The following ZDHHC2 variants were observed in gnomAD, a reference collection of about 807,000 sequenced individuals.
ZDHHC2 encodes the protein zDHHC palmitoyltransferase 2.
ZDHHC2 carries 51 observed loss-of-function variants against 55.6 expected under a neutral mutation model. That is an observed-to-expected ratio of 0.92 (90% CI 0.73 to 1.16). The LOEUF is 1.16. Among genes scored for constraint, ZDHHC2 ranks in the 50% most tolerant of loss-of-function variants. The pLI is 0.00. For missense variants in ZDHHC2, 491 were observed against 442.4 expected, an observed-to-expected ratio of 1.11 and a Z score of -0.99; for synonymous variants, 199 against 152.9, an observed-to-expected ratio of 1.30 and a Z score of -2.22.
chr8:17,192,562 A>G (rs779633625), intron 3 of ZDHHC2, among the ~76,000 whole-genome samples: 2 of 152,082 alleles, frequency 1.3e-5, no homozygotes, highest in African/African-American at 2.4e-5. Flanking sequence ...ACTTTCTCCC[A>G]TTCTGTGGGT....
chr8:17,190,375 T>C (rs1805955994), intron 3 of ZDHHC2, among the ~76,000 whole-genome samples: 3 of 152,214 alleles, frequency 2.0e-5, no homozygotes, highest in Admixed American at 1.3e-4. Flanking sequence ...AGACCACTGT[T>C]AGGAAGAAAG....
chr8:17,221,122 A>G lies in ZDHHC2; in HGVS notation c.*901A>G, dbSNP rs1005697560. The G allele has an allele frequency of 1.3e-5, 2 of 152,522 alleles. No homozygotes were observed. Among genetic ancestry groups the G allele is most frequent in the South Asian group, 2.1e-4 (1 of 4,826 alleles). The allele number at this position is 152,522 out of a possible 1,614,324, so 9.4% of individuals were successfully genotyped here. A position where few individuals can be genotyped will look rare whatever the true frequency, so the allele number is the denominator to read the frequency against. On this transcript the variant is annotated 3_prime_UTR_variant, in exon 13 of 13. Coordinates refer to ENST00000262096, the MANE Select transcript of ZDHHC2 (RefSeq NM_016353.5). Reference sequence around the variant, plus strand: ...TTAAGAATTCCTAATAGGTCAATAGATTTACCCTCCAGTGATATCTATATT... The same window carrying G: ...TTAAGAATTCCTAATAGGTCAATAGGTTTACCCTCCAGTGATATCTATATT...
intron 8 of ZDHHC2, 110 bp from the exon 9 acceptor site, chr8:17,209,818 CAGCT>C (rs1585734760): frequency 4.7e-6 from 6 of 1,268,290 alleles, no homozygotes; most frequent in Non-Finnish European, 6.3e-6. Flanking sequence ...CCCTCACAGT[CAGCT>C]AGCCATTGAT....
At chr8:17,209,063 C>A (rs1268242495) in intron 8 of ZDHHC2, among the ~76,000 whole-genome samples, 1 of 152,058 alleles carries the variant, frequency 6.6e-6, no homozygotes. Context: ...CAACATTTTA[C>A]ATTTTGTATT....
At position 17,186,426 on chromosome 8, in the gene ZDHHC2, G is replaced by A; in HGVS notation, c.252+1G>A. On this transcript the variant is annotated splice_donor_variant, in intron 3 of 12. Coordinates refer to ENST00000262096, the MANE Select transcript of ZDHHC2 (RefSeq NM_016353.5). LOFTEE classifies it high-confidence loss of function. ...ATTACCAATGAATCCTTCAAAAGAA[G>A]TAAGTTAAAATATTAACGAAATTAT... 1 of 1,512,436 alleles carries A rather than the reference G, an allele frequency of 6.6e-7. No individual in the cohort carries two copies. The highest frequency in any genetic ancestry group is 8.9e-7 in the Non-Finnish European group (1 of 1,124,596). 93.7% of individuals were successfully genotyped at this position (1,512,436 alleles called of 1,614,324 possible).
Position 17,224,720 on chromosome 8 carries a change from G to C in ZDHHC2, c.*4499G>C, listed in dbSNP as rs2150958416. The C allele has an allele frequency of 6.6e-6, 1 of 151,844 alleles. No individual in the cohort carries two copies. Among genetic ancestry groups the C allele is most frequent in the South Asian group, 2.1e-4 (1 of 4,818 alleles). The allele number at this position is 151,844 out of a possible 1,614,324, so 9.4% of individuals were successfully genotyped here. ...TTATGAGAGCAAGGCTATTTTGTCA[G>C]TTTAGATTTTGTGTCTTTTTCTGTC... On this transcript the variant is annotated 3_prime_UTR_variant, in exon 13 of 13. Coordinates refer to ENST00000262096, the MANE Select transcript of ZDHHC2 (RefSeq NM_016353.5).
chr8:17,168,815 G>C (rs1411409069), intron 1 of ZDHHC2, among the ~76,000 whole-genome samples: 1 of 152,028 alleles, frequency 6.6e-6, no homozygotes, highest in Non-Finnish European at 1.5e-5. Context: ...TGTAGCATGT[G>C]TCAGAATTTC....
intron 1 of ZDHHC2, among the ~76,000 whole-genome samples, chr8:17,174,342 G>A (rs1297817878): frequency 2.0e-5 from 3 of 152,168 alleles, no homozygotes; most frequent in East Asian, 3.8e-4. Flanking sequence ...CCCATAGTCT[G>A]TGATACTTTG....
chr8:17,190,767 T>G (rs1284288743), intron 3 of ZDHHC2, among the ~76,000 whole-genome samples: 2 of 152,110 alleles, frequency 1.3e-5, no homozygotes, highest in South Asian at 2.1e-4. Flanking sequence ...CCTGAGGTAT[T>G]TTGATACAGG....
At position 17,205,762 on chromosome 8, in the gene ZDHHC2, T is replaced by C. The variant is rs758145586; in HGVS notation, c.584T>C (p.Ile195Thr). 4 of 1,606,154 alleles carry C rather than the reference T, an allele frequency of 2.5e-6. No individual in the cohort carries two copies. In the East Asian group the frequency reaches 9.0e-5, roughly 36 times the overall value. The change falls in exon 7 of 13, where the codon ATC (isoleucine) becomes ACC (threonine). Residue 195 changes from isoleucine (I) to threonine (T), a missense_variant. Physicochemically the swap from Ile to Thr is moderately conservative, Grantham distance 89. Transcript: ENST00000262096. Reference sequence around the variant, plus strand: ...GCGGCAACAGATTTACAGTATTTTATCAAATTTTGGACAGTAAGTCATTAA... The same window carrying C: ...GCGGCAACAGATTTACAGTATTTTACCAAATTTTGGACAGTAAGTCATTAA... Reference protein sequence around the residue: ...FIAATDLQYFIKFWTNGLPDT... With the variant: ...FIAATDLQYFTKFWTNGLPDT...
chr8:17,199,566 TCGTCTTTG>T (rs1806580009), intron 6 of ZDHHC2, among the ~76,000 whole-genome samples: 1 of 44,704 alleles, frequency 2.2e-5, no homozygotes, highest in Non-Finnish European at 1.1e-4. Flanking sequence ...TTCGTCTTCT[TCGTCTTTG>T]TCTTCTTCTT....
chr8:17,180,162 A>AT (rs912564520), intron 1 of ZDHHC2, among the ~76,000 whole-genome samples: 10 of 151,544 alleles, frequency 6.6e-5, no homozygotes, highest in South Asian at 2.1e-4. Flanking sequence ...TTAGGTCTTT[A>AT]TTTTTTTTTA....
Position 17,199,503 on chromosome 8 carries a change from TTCTTCTTCTTCG to T in ZDHHC2, c.476+1096_476+1107del, listed in dbSNP as rs1806536368. Among the ~76,000 whole-genome samples the T allele has an allele frequency of 9.5e-5, 6 of 63,238 alleles. No homozygotes were observed. In the South Asian group the frequency reaches 1.4e-3, roughly 15 times the overall value. 41.5% of individuals were successfully genotyped at this position (63,238 alleles called of 152,430 possible). A position where few individuals can be genotyped will look rare whatever the true frequency, so the allele number is the denominator to read the frequency against. The stretch of plus-strand genomic sequence containing the variant: ...CTTCTTCTTCTTCTTCTTCTTCTTC[TTCTTCTTCTTCG>T]TCTTCGTCTTCGTCTTCTGTCTTCG... On this transcript the variant is annotated intron_variant, in intron 6 of 12. Coordinates refer to ENST00000262096, the MANE Select transcript of ZDHHC2 (RefSeq NM_016353.5).
chr8:17,207,721 AAC>A (rs148584438), intron 7 of ZDHHC2, among the ~76,000 whole-genome samples: 5,440 of 152,214 alleles, frequency 0.036, 150 homozygotes, highest in Non-Finnish European at 0.051. Flanking sequence ...GGTTATGAAA[AAC>A]ACAGTTTATA....
intron 6 of ZDHHC2, among the ~76,000 whole-genome samples, chr8:17,199,611 T>C (rs1318708169): frequency 2.9e-4 from 6 of 21,018 alleles, no homozygotes; most frequent in East Asian, 2.1e-3. Flanking sequence ...TATTCTTTCT[T>C]CTTCTTCTTC....
At chr8:17,161,387 C>CAGT (rs1450086137) in intron 1 of ZDHHC2, among the ~76,000 whole-genome samples, 1 of 152,142 alleles carries the variant, frequency 6.6e-6, no homozygotes, top group Admixed American at 6.5e-5. Context: ...AAAGAACAGG[C>CAGT]AGTAGATCTT....
At chr8:17,203,164 GTTC>G (rs1459826112) in intron 6 of ZDHHC2, among the ~76,000 whole-genome samples, 5 of 149,574 alleles carry the variant, frequency 3.3e-5, no homozygotes, top group African/African-American at 1.2e-4. Flanking sequence ...GGTTCAAGCA[GTTC>G]TTCTACCACA....
Position 17,199,515 on chromosome 8 carries a change from G to A in ZDHHC2, c.476+1102G>A, listed in dbSNP as rs138194594. On this transcript the variant is annotated intron_variant, in intron 6 of 12. Coordinates refer to ENST00000262096, the MANE Select transcript of ZDHHC2 (RefSeq NM_016353.5). ...CTTCTTCTTCTTCTTCTTCTTCTTC[G>A]TCTTCGTCTTCGTCTTCTGTCTTCG... 4.2e-4 allele frequency among the ~76,000 whole-genome samples: 15 copies of A among 35,420 alleles called. 1 individual carries two copies. The highest frequency in any genetic ancestry group is 6.8e-4 in the Admixed American group (2 of 2,952). 23.2% of individuals were successfully genotyped at this position (35,420 alleles called of 152,430 possible). A position where few individuals can be genotyped will look rare whatever the true frequency, so the allele number is the denominator to read the frequency against.
intron 7 of ZDHHC2, 68 bp downstream of exon 7, chr8:17,205,843 G>T (rs1209621556): frequency 3.5e-6 from 5 of 1,443,312 alleles, no homozygotes; most frequent in Non-Finnish European, 4.6e-6. Flanking sequence ...TTTCAGAACA[G>T]AATTATTTCC....
Sources: allele counts gnomAD v4.1 joint callset (sites outside exome capture counted in the v4.1 genomes callset), GRCh38; gene constraint gnomAD v4.1.1; transcripts MANE v1.5; gene names NCBI Gene and HGNC (gene_info 2026-07-23, HGNC 2026-07-21).